CPHXL2: variants seen among roughly 807,000 people sequenced by gnomAD.
The protein encoded by CPHXL2 is cytoplasmic polyadenylated homeobox like 2.
chr16:75,668,554 A>G, the CPHXL2 span, among the ~76,000 whole-genome samples: 1 of 152,054 alleles, frequency 6.6e-6, no homozygotes, highest in African/African-American at 2.4e-5. Flanking sequence ...GTGTGTGTGT[A>G]CAATTTTCTC....
chr16:75,665,105 C>T, the CPHXL2 span, among the ~76,000 whole-genome samples: 1 of 152,176 alleles, frequency 6.6e-6, no homozygotes, highest in African/African-American at 2.4e-5. Context: ...AAAGCAAGTG[C>T]CTGCTTTCAT....
the CPHXL2 span, among the ~76,000 whole-genome samples, chr16:75,668,634 A>G: frequency 6.6e-6 from 1 of 152,206 alleles, no homozygotes; most frequent in Non-Finnish European, 1.5e-5. Flanking sequence ...TAGAATTTGC[A>G]TATATGCTGG....
chr16:75,662,914 T>A, the CPHXL2 span, among the ~76,000 whole-genome samples: 30 of 151,466 alleles, frequency 2.0e-4, 1 homozygote, highest in Non-Finnish European at 8.8e-5. Flanking sequence ...TTCTTCTGCC[T>A]CAGCCTCCTG....
the CPHXL2 span, among the ~76,000 whole-genome samples, chr16:75,663,117 A>C: frequency 6.6e-6 from 1 of 152,138 alleles, no homozygotes; most frequent in Non-Finnish European, 1.5e-5. Flanking sequence ...GGTAATTCTT[A>C]TAGTTCAGGC....
chr16:75,671,395 C>T, the CPHXL2 span, among the ~76,000 whole-genome samples: 238 of 150,366 alleles, frequency 1.6e-3, 2 homozygotes, highest in African/African-American at 5.2e-3. Context: ...AATACCTTTC[C>T]AGATCAGAAT....
the CPHXL2 span, among the ~76,000 whole-genome samples, chr16:75,664,077 A>G: frequency 6.6e-6 from 1 of 152,264 alleles, no homozygotes; most frequent in East Asian, 1.9e-4. Context: ...ACCAATCAGA[A>G]AATCTCTGAA....
At chr16:75,672,580 C>T in the CPHXL2 span, among the ~76,000 whole-genome samples, 2 of 152,166 alleles carry the variant, frequency 1.3e-5, no homozygotes, top group Non-Finnish European at 2.9e-5. Context: ...CAGCCTTGAC[C>T]TCCTGGGCTC....
At chr16:75,668,738 T>C in the CPHXL2 span, among the ~76,000 whole-genome samples, 1 of 152,214 alleles carries the variant, frequency 6.6e-6, no homozygotes, top group African/African-American at 2.4e-5. Context: ...GTTCTTATTC[T>C]GTATTGTTTT....
At chr16:75,666,021 T>G in the CPHXL2 span, among the ~76,000 whole-genome samples, 1 of 152,202 alleles carries the variant, frequency 6.6e-6, no homozygotes, top group Non-Finnish European at 1.5e-5. Context: ...ATCACATATC[T>G]GCTGCCTTCA....
the CPHXL2 span, among the ~76,000 whole-genome samples, chr16:75,670,773 A>G: frequency 7.2e-5 from 11 of 152,214 alleles, no homozygotes; most frequent in Non-Finnish European, 7.3e-5. Context: ...CTAGGATTAC[A>G]GGCATGAGCC....
chr16:75,663,933 A>G, the CPHXL2 span, among the ~76,000 whole-genome samples: 2 of 145,890 alleles, frequency 1.4e-5, no homozygotes, highest in East Asian at 1.9e-4. Flanking sequence ...TTCAAGTCTG[A>G]TAAGAAACAT....
At chr16:75,662,152 AG>A in the CPHXL2 span, among the ~76,000 whole-genome samples, 20 of 152,282 alleles carry the variant, frequency 1.3e-4, no homozygotes, top group Middle Eastern at 3.4e-3. Flanking sequence ...CACAGAACTC[AG>A]GGAATCACAT....
At chr16:75,666,802 T>G in the CPHXL2 span, among the ~76,000 whole-genome samples, 1 of 152,022 alleles carries the variant, frequency 6.6e-6, no homozygotes, top group Admixed American at 6.6e-5. Context: ...CACATGGAAT[T>G]TTCTCCAAGA....
At chr16:75,662,258 C>T in the CPHXL2 span, among the ~76,000 whole-genome samples, 2 of 151,746 alleles carry the variant, frequency 1.3e-5, no homozygotes, top group African/African-American at 2.4e-5. Context: ...ACAAGCCACC[C>T]TCCAGGAACT....
chr16:75,672,118 GAA>G, the CPHXL2 span, among the ~76,000 whole-genome samples: 5 of 145,392 alleles, frequency 3.4e-5, no homozygotes, highest in East Asian at 2.0e-4. Context: ...AAAAAAAAAA[GAA>G]AAAAAAAAAT....
At chr16:75,664,708 G>A in the CPHXL2 span, among the ~76,000 whole-genome samples, 1 of 151,920 alleles carries the variant, frequency 6.6e-6, no homozygotes, top group African/African-American at 2.4e-5. Flanking sequence ...TGAGAGGTGA[G>A]GCCTTAAAAG....
At chr16:75,676,302 G>C in the CPHXL2 span, among the ~76,000 whole-genome samples, 1 of 152,082 alleles carries the variant, frequency 6.6e-6, no homozygotes, top group African/African-American at 2.4e-5. Context: ...ATATTTGTGA[G>C]CTAGGAAAAA....
chr16:75,674,233 T>G, the CPHXL2 span, among the ~76,000 whole-genome samples: 3,026 of 150,264 alleles, frequency 0.02, 113 homozygotes, highest in African/African-American at 0.07. Context: ...ATTAGCCGGG[T>G]GTGGTGGCAG....
chr16:75,666,761 G>A, the CPHXL2 span, among the ~76,000 whole-genome samples: 1 of 152,052 alleles, frequency 6.6e-6, no homozygotes, highest in Non-Finnish European at 1.5e-5. Context: ...ATTCTACCTA[G>A]CAAGTGCAGA....
Sources: gnomAD v4.1 joint callset for allele counts (sites outside exome capture counted in the v4.1 genomes callset) on GRCh38, gnomAD v4.1.1 for gene constraint, MANE v1.5 for transcripts, NCBI Gene and HGNC (gene_info 2026-07-23, HGNC 2026-07-21) for gene names.